The following RAB11FIP4 variants were observed in gnomAD, a reference collection of about 807,000 sequenced individuals.
RAB11FIP4 encodes RAB11 family interacting protein 4, also known as rab11 family-interacting protein 4.
Under a neutral mutation model 74.3 loss-of-function variants are expected in RAB11FIP4, and 23 were observed. That is an observed-to-expected ratio of 0.31 (90% CI 0.22 to 0.44). The LOEUF (loss-of-function observed/expected upper bound fraction) is 0.44, where lower values mean the gene tolerates loss of function less well. Among genes scored for constraint, RAB11FIP4 ranks in the 20% least tolerant of loss-of-function variants. The pLI, the probability that RAB11FIP4 is intolerant of heterozygous loss-of-function variation, is 1.00. For synonymous variants in RAB11FIP4, 360 were observed against 359.9 expected (o/e 1.00, Z 0.00); for missense variants, 630 against 863.9 (o/e 0.73, Z 3.39).
intron 4 of RAB11FIP4, among the ~76,000 whole-genome samples, chr17:31,519,094 A>G (rs1436092022): frequency 7.1e-6 from 1 of 141,352 alleles, no homozygotes; most frequent in East Asian, 2.2e-4. Flanking sequence ...AGCTCACTGC[A>G]ACCTCCACCT....
chr17:31,496,518 G>A (rs2072118917), intron 3 of RAB11FIP4, among the ~76,000 whole-genome samples: 1 of 152,194 alleles, frequency 6.6e-6, no homozygotes, highest in Non-Finnish European at 1.5e-5. Context: ...ATAATCCTTG[G>A]ACATTACTCT....
At chr17:31,525,261 G>T (rs1401762489) in intron 10 of RAB11FIP4, 31 bp downstream of exon 10, 1 of 1,528,486 alleles carries the variant, frequency 6.5e-7, no homozygotes, top group Non-Finnish European at 8.8e-7. Context: ...CCCTCCCTCA[G>T]AGGGACCCCC....
chr17:31,509,213 C>T (rs947532568), intron 3 of RAB11FIP4: 3 of 152,308 alleles, frequency 2.0e-5, no homozygotes, highest in African/African-American at 7.3e-5. Context: ...CCTGTCTCTA[C>T]AAAAAATCTG....
chr17:31,440,944 T>C (rs543466966), intron 3 of RAB11FIP4, among the ~76,000 whole-genome samples: 1 of 152,350 alleles, frequency 6.6e-6, no homozygotes, highest in East Asian at 1.9e-4. Flanking sequence ...TTGCATTCTG[T>C]CATCCAGGAA....
Position 31,400,721 on chromosome 17 carries a change from G to A in RAB11FIP4, c.159+8710G>A, listed in dbSNP as rs554455977. 7.9e-5 allele frequency among the ~76,000 whole-genome samples: 12 copies of A among 152,334 alleles called. No homozygotes were observed. In the South Asian group the frequency reaches 1.7e-3, roughly 21 times the overall value. On this transcript the variant is annotated intron_variant, in intron 1 of 14. Coordinates refer to ENST00000621161, the MANE Select transcript of RAB11FIP4 (RefSeq NM_032932.6). ...GAGGAGACTTTGGAGACAAGCTGCCGTTGCTGGGTGGGGAGGCAGAGAGGA... is the reference window on the plus strand; with the variant it reads ...GAGGAGACTTTGGAGACAAGCTGCCATTGCTGGGTGGGGAGGCAGAGAGGA...
chr17:31,530,481 A>G lies in RAB11FIP4; in HGVS notation c.1797+12A>G, dbSNP rs1264420620. Reference sequence around the variant, plus strand: ...CCTCGCGCGATGAGGTAACCACACCACCGGCTCTTGCTTTGGGGCCTGGCC... The same window carrying G: ...CCTCGCGCGATGAGGTAACCACACCGCCGGCTCTTGCTTTGGGGCCTGGCC... On this transcript the variant is annotated intron_variant, in intron 14 of 14. Transcript: ENST00000621161. 1 of 1,606,122 alleles carries G rather than the reference A, an allele frequency of 6.2e-7. No homozygotes were observed. The highest frequency in any genetic ancestry group is 8.5e-7 in the Non-Finnish European group (1 of 1,173,840).
At chr17:31,495,905 C>T (rs1177321525) in intron 3 of RAB11FIP4, among the ~76,000 whole-genome samples, 2 of 152,214 alleles carry the variant, frequency 1.3e-5, no homozygotes, top group African/African-American at 2.4e-5. Flanking sequence ...TCCCTACTCA[C>T]ACTTACATGG....
chr17:31,474,059 C>T lies in RAB11FIP4; in HGVS notation c.336+39937C>T, dbSNP rs541559568. On this transcript the variant is annotated intron_variant, in intron 3 of 14. Transcript: ENST00000621161. ...TGAAGGACTATCTTGGCTCCAGATG[C>T]CCCGGGGATCAGCTGAGGCTCATTG... Among the ~76,000 whole-genome samples, 4 of 152,284 alleles carry T rather than the reference C, an allele frequency of 2.6e-5. No homozygotes were observed. The South Asian group carries it at 6.2e-4, about 24-fold the overall frequency.
chr17:31,447,101 G>A (rs1428115738), intron 3 of RAB11FIP4, among the ~76,000 whole-genome samples: 15 of 152,270 alleles, frequency 9.9e-5, no homozygotes, highest in South Asian at 8.3e-4. Context: ...TGGCTAACAC[G>A]GTGAAACCCC....
chr17:31,394,652 G>A (rs979823815), intron 1 of RAB11FIP4, among the ~76,000 whole-genome samples: 3 of 152,068 alleles, frequency 2.0e-5, no homozygotes, highest in Non-Finnish European at 4.4e-5. Context: ...CATTGTATCT[G>A]TCAAGAAAGA....
chr17:31,418,309 A>G (rs1210915482), intron 1 of RAB11FIP4, among the ~76,000 whole-genome samples: 1 of 151,956 alleles, frequency 6.6e-6, no homozygotes, highest in Non-Finnish European at 1.5e-5. Flanking sequence ...AATCGCTTGA[A>G]CCCGGGAGGC....
At chr17:31,422,977 T>A (rs914996185) in intron 1 of RAB11FIP4, among the ~76,000 whole-genome samples, 7 of 150,240 alleles carry the variant, frequency 4.7e-5, no homozygotes, top group Non-Finnish European at 8.8e-5. Flanking sequence ...TGGAGTGCAG[T>A]GGCACGATCT....
intron 1 of RAB11FIP4, among the ~76,000 whole-genome samples, chr17:31,421,099 AC>A (rs2071194900): frequency 6.6e-6 from 1 of 152,168 alleles, no homozygotes; most frequent in South Asian, 2.1e-4. Context: ...AAACAAACAA[AC>A]AAAAAGATAC....
intron 1 of RAB11FIP4, among the ~76,000 whole-genome samples, chr17:31,427,564 C>A (rs1046614986): frequency 1.3e-5 from 2 of 152,234 alleles, no homozygotes; most frequent in Admixed American, 1.3e-4. Flanking sequence ...CAAATCCCTG[C>A]ACTCCTGCCT....
chr17:31,490,392 A>G (rs2071985430), intron 3 of RAB11FIP4, among the ~76,000 whole-genome samples: 1 of 152,040 alleles, frequency 6.6e-6, no homozygotes, highest in East Asian at 1.9e-4. Context: ...TCGCAATTTC[A>G]CTTTATATGT....
In RAB11FIP4 at chr17:31,429,903, C is replaced by T. The variant is rs541305109; in HGVS notation, c.160-1910C>T. ...ATGCTCTTCGGGGCTGTCCTGATCC[C>T]GTGTACCTGAATTGCAATTCTTTGT... On this transcript the variant is annotated intron_variant, in intron 1 of 14. Transcript: ENST00000621161. Among the ~76,000 whole-genome samples, 21 of 152,138 alleles carry T rather than the reference C, an allele frequency of 1.4e-4. No individual in the cohort carries two copies. In the East Asian group the frequency reaches 1.9e-3, roughly 14 times the overall value.
At chr17:31,513,986 G>A (rs2072499764) in intron 3 of RAB11FIP4, among the ~76,000 whole-genome samples, 1 of 152,206 alleles carries the variant, frequency 6.6e-6, no homozygotes, top group Admixed American at 6.5e-5. Context: ...CTCGCACGGG[G>A]CTGTTGTGAG....
At chr17:31,419,239 A>G (rs889364226) in intron 1 of RAB11FIP4, among the ~76,000 whole-genome samples, 1 of 150,836 alleles carries the variant, frequency 6.6e-6, no homozygotes, top group Non-Finnish European at 1.5e-5. Context: ...TAAGATAAGG[A>G]AGGATAAGGA....
intron 3 of RAB11FIP4, among the ~76,000 whole-genome samples, chr17:31,440,523 C>A (rs2071397993): frequency 6.6e-6 from 1 of 152,230 alleles, no homozygotes; most frequent in African/African-American, 2.4e-5. Flanking sequence ...AATCCCAGCA[C>A]TTTGGGAGGC....
Sources: allele counts gnomAD v4.1 joint callset (sites outside exome capture counted in the v4.1 genomes callset), GRCh38; gene constraint gnomAD v4.1.1; transcripts MANE v1.5; gene names NCBI Gene and HGNC (gene_info 2026-07-23, HGNC 2026-07-21).